Variants in RIPOR2 observed in about 807,000 individuals in gnomAD.
RIPOR2 encodes RHO family interacting cell polarization regulator 2.
In RIPOR2, 39 loss-of-function variants were observed where a neutral mutation model predicts 114.5. That is an observed-to-expected ratio of 0.34 (90% CI 0.26 to 0.44). RIPOR2 has a LOEUF of 0.44. Ranked by LOEUF, RIPOR2 falls within the 20% of genes least tolerant of loss-of-function variation. The probability of loss-of-function intolerance (pLI) is 1.00; values close to 1 mark genes in which losing one functional copy is unlikely to be tolerated. For missense variants in RIPOR2, 1,007 were observed against 1,255.1 expected, an observed-to-expected ratio of 0.80 and a Z score of 2.99; for synonymous variants, 445 against 484.4, an observed-to-expected ratio of 0.92 and a Z score of 1.07.
chr6:25,008,430 C>G (rs1279240500), intron 1 of RIPOR2, among the ~76,000 whole-genome samples: 1 of 152,130 alleles, frequency 6.6e-6, no homozygotes, highest in Non-Finnish European at 1.5e-5. Flanking sequence ...AGGACAGTGG[C>G]AAAGGCTGAA....
chr6:24,863,983 T>C (rs1210607456), intron 7 of RIPOR2, among the ~76,000 whole-genome samples: 1 of 152,254 alleles, frequency 6.6e-6, no homozygotes, highest in Admixed American at 6.5e-5. Context: ...TCAATTCCTA[T>C]GTATTTTATT....
intron 1 of RIPOR2, among the ~76,000 whole-genome samples, chr6:25,003,749 T>G (rs1162645353): frequency 1.3e-5 from 2 of 152,150 alleles, no homozygotes; most frequent in African/African-American, 4.8e-5. Context: ...CCTTTAAAGG[T>G]AGCATTACCT....
chr6:24,843,042 T>G lies in RIPOR2; in HGVS notation c.1677A>C (p.Thr559=). 1 of 1,612,372 alleles carries G rather than the reference T, an allele frequency of 6.2e-7. No individual in the cohort carries two copies. Among genetic ancestry groups the G allele is most frequent in the African/African-American group, 1.3e-5 (1 of 75,026 alleles). The change falls in exon 13 of 22, where the codon ACA becomes ACC. Residue 559 remains threonine, a synonymous_variant. Coordinates refer to ENST00000643898, the MANE Select transcript of RIPOR2 (RefSeq NM_001286445.3). ...CAGAACCCTCAGAGAGCAGCCTGTC[T>G]GTGGCCATTGGCACCTCTGCAGATG... ...RLTSAEVPMA[T]DRLLSEGSVG...
intron 13 of RIPOR2, chr6:24,839,519 A>C: frequency 7.1e-7 from 1 of 1,401,788 alleles, no homozygotes; most frequent in Non-Finnish European, 9.7e-7. Context: ...GAAGAATAGG[A>C]AACAAGATTG....
intron 19 of RIPOR2, among the ~76,000 whole-genome samples, chr6:24,823,963 G>T (rs1759925995): frequency 6.6e-6 from 1 of 152,052 alleles, no homozygotes; most frequent in Non-Finnish European, 1.5e-5. Flanking sequence ...CCCCATGTTG[G>T]CCAGGCTGGT....
In RIPOR2 at chr6:24,840,741, C is replaced by T. The variant is rs1761629782; in HGVS notation, c.1858-1469G>A. The T allele has an allele frequency of 5.2e-6, 8 of 1,535,480 alleles. No homozygotes were observed. The South Asian group carries it at 5.9e-5, about 11-fold the overall frequency. ...AGTGATCTCCGTCCAAGAGGCAGCA[C>T]CATTTAGTTTCTGATCGTCAAGGTG... On this transcript the variant is annotated intron_variant, in intron 13 of 21. Transcript: ENST00000643898.
intron 1 of RIPOR2, among the ~76,000 whole-genome samples, chr6:25,041,569 G>A (rs933114679): frequency 2.0e-5 from 3 of 152,108 alleles, no homozygotes; most frequent in African/African-American, 7.2e-5. Flanking sequence ...CCATCTGGTT[G>A]GAGAAATAAA....
intron 9 of RIPOR2, among the ~76,000 whole-genome samples, chr6:24,852,253 C>T (rs1763032309): frequency 6.6e-6 from 1 of 151,860 alleles, no homozygotes. Context: ...CAGAGCGAGA[C>T]TCCATCTCAA....
At position 24,873,794 on chromosome 6, in the gene RIPOR2, TTACA is replaced by T. The variant is rs1256614702; in HGVS notation, c.190_193del (p.Cys64ThrfsTer17). 1 of 1,608,358 alleles carries T rather than the reference TTACA, an allele frequency of 6.2e-7. No homozygotes were observed. Among genetic ancestry groups the T allele is most frequent in the Admixed American group, 1.7e-5 (1 of 58,252 alleles). On this transcript the variant is annotated frameshift_variant and splice_region_variant, in exon 3 of 22. Coordinates refer to ENST00000643898, the MANE Select transcript of RIPOR2 (RefSeq NM_001286445.3). LOFTEE classifies it high-confidence loss of function. ...AGCGGAGGAATTTTCAATGAAGGAG[TTACA>T]CCTATGGAAAGAACAGAAGAAATTG...
chr6:24,960,038 G>A (rs971487363), intron 1 of RIPOR2, among the ~76,000 whole-genome samples: 1 of 152,054 alleles, frequency 6.6e-6, no homozygotes, highest in Non-Finnish European at 1.5e-5. Context: ...CAAGTTCAGG[G>A]AGAAAAAAGG....
Position 24,890,114 on chromosome 6 carries a change from C to T in RIPOR2, c.62-14297G>A, listed in dbSNP as rs186021760. On this transcript the variant is annotated intron_variant, in intron 1 of 21. Transcript: ENST00000643898. ...TTCACCATGTTAGACAGGCTGGTCTCGAACTCCTGATCTCAGGAGATCCAC... is the reference window on the plus strand; with the variant it reads ...TTCACCATGTTAGACAGGCTGGTCTTGAACTCCTGATCTCAGGAGATCCAC... Among the ~76,000 whole-genome samples, 27 of 152,064 alleles carry T rather than the reference C, an allele frequency of 1.8e-4. 1 individual carries two copies. Among genetic ancestry groups the T allele is most frequent in the African/African-American group, 5.8e-4 (24 of 41,464 alleles).
chr6:24,835,120 G>C (rs1761015413), intron 15 of RIPOR2, among the ~76,000 whole-genome samples: 1 of 152,304 alleles, frequency 6.6e-6, no homozygotes, highest in African/African-American at 2.4e-5. Flanking sequence ...TTGCTCCACT[G>C]TTGAAAAACC....
chr6:24,855,128 C>A (rs1397386737), intron 8 of RIPOR2, among the ~76,000 whole-genome samples: 1 of 150,622 alleles, frequency 6.6e-6, no homozygotes, highest in Non-Finnish European at 1.5e-5. Context: ...GAAAACCATA[C>A]CAAACTGTTA....
chr6:24,894,237 T>C (rs1265062556), intron 1 of RIPOR2, among the ~76,000 whole-genome samples: 1 of 152,228 alleles, frequency 6.6e-6, no homozygotes, highest in Non-Finnish European at 1.5e-5. Context: ...CTTTTCCAAA[T>C]GCTTTGGCAC....
chr6:25,040,437 GAAC>G (rs1283971442), intron 1 of RIPOR2, among the ~76,000 whole-genome samples: 7 of 152,024 alleles, frequency 4.6e-5, no homozygotes, highest in African/African-American at 1.4e-4. Context: ...CTTCTAATGA[GAAC>G]AACACCTAGC....
At chr6:24,877,896 G>A (rs9717413) in intron 1 of RIPOR2, among the ~76,000 whole-genome samples, 5 of 152,132 alleles carry the variant, frequency 3.3e-5, no homozygotes, top group Non-Finnish European at 5.9e-5. Flanking sequence ...TGGTGGGGTG[G>A]GTAGTTTGGC....
At position 24,806,240 on chromosome 6, in the gene RIPOR2, A is replaced by G. The variant is rs1780762940; in HGVS notation, c.*133T>C. ...AGTACTGGGATTACAGGCATGAGCC[A>G]CTGCACCTGGCCTACATTTTTATTT... is the stretch of plus-strand genomic sequence containing the variant. On this transcript the variant is annotated 3_prime_UTR_variant, in exon 22 of 22. Coordinates refer to ENST00000643898, the MANE Select transcript of RIPOR2 (RefSeq NM_001286445.3). 1.4e-6 allele frequency: 1 copy of G among 700,950 alleles called. No homozygotes were observed. The highest frequency in any genetic ancestry group is 1.8e-5 in the African/African-American group (1 of 55,394). 43.4% of individuals were successfully genotyped at this position (700,950 alleles called of 1,614,324 possible). A position where few individuals can be genotyped will look rare whatever the true frequency, so the allele number is the denominator to read the frequency against.
intron 1 of RIPOR2, among the ~76,000 whole-genome samples, chr6:25,033,014 G>A (rs1263579664): frequency 6.6e-6 from 1 of 152,276 alleles, no homozygotes; most frequent in South Asian, 2.1e-4. Context: ...AGACCAGCCT[G>A]GGCAACAGAG....
intron 1 of RIPOR2, among the ~76,000 whole-genome samples, chr6:24,987,609 G>C (rs1246577737): frequency 6.6e-6 from 1 of 152,138 alleles, no homozygotes; most frequent in Non-Finnish European, 1.5e-5. Context: ...CTTACAACAG[G>C]GTTACAAGTG....
Sources: allele counts gnomAD v4.1 joint callset (sites outside exome capture counted in the v4.1 genomes callset), GRCh38; gene constraint gnomAD v4.1.1; transcripts MANE v1.5; gene names NCBI Gene and HGNC (gene_info 2026-07-23, HGNC 2026-07-21).